Variants in CNTN4 observed in about 807,000 individuals in gnomAD.
CNTN4 encodes contactin 4.
In CNTN4, 77 loss-of-function variants were observed where a neutral mutation model predicts 122.5. That is an observed-to-expected ratio of 0.63 (90% CI 0.52 to 0.76). CNTN4 has a LOEUF of 0.76. Ranked by LOEUF, CNTN4 falls within the 30% of genes least tolerant of loss-of-function variation. CNTN4 has a pLI of 0.00. For missense variants in CNTN4, 1,256 were observed against 1,259.1 expected (o/e 1.00, Z 0.04); for synonymous variants, 512 against 447.0 (o/e 1.15, Z -1.83).
At chr3:2,390,219 T>A (rs1015745827) in intron 3 of CNTN4, among the ~76,000 whole-genome samples, 2 of 145,732 alleles carry the variant, frequency 1.4e-5, no homozygotes, top group Admixed American at 6.9e-5. Flanking sequence ...AAAAAGAGTG[T>A]GTGTGTGTGT....
chr3:2,867,710 G>C (rs1296723008), intron 8 of CNTN4, among the ~76,000 whole-genome samples: 1 of 151,804 alleles, frequency 6.6e-6, no homozygotes, highest in Admixed American at 6.6e-5. Context: ...TTTCCAGGAA[G>C]CCATCTCTGC....
At chr3:2,292,219 C>G (rs1433863337) in intron 2 of CNTN4, among the ~76,000 whole-genome samples, 1 of 152,154 alleles carries the variant, frequency 6.6e-6, no homozygotes, top group East Asian at 1.9e-4. Context: ...CTTCTGGATT[C>G]TTCTCTAATA....
intron 4 of CNTN4, among the ~76,000 whole-genome samples, chr3:2,612,141 A>ACACACAC (rs1441265588): frequency 7.0e-6 from 1 of 143,420 alleles, no homozygotes; most frequent in Non-Finnish European, 1.6e-5. Flanking sequence ...CACACACACA[A>ACACACAC]CAGACAGAGA....
chr3:2,522,463 G>C (rs1006407527), intron 3 of CNTN4, among the ~76,000 whole-genome samples: 3 of 152,016 alleles, frequency 2.0e-5, no homozygotes, highest in Non-Finnish European at 4.4e-5. Flanking sequence ...TGAGAAATCT[G>C]ATATTTTGAA....
chr3:2,158,116 G>A (rs73806351), intron 2 of CNTN4, among the ~76,000 whole-genome samples: 3,259 of 152,224 alleles, frequency 0.021, 105 homozygotes, highest in African/African-American at 0.074. Context: ...TGGGAAATGA[G>A]AATGCTTGAA....
At chr3:2,245,389 G>A (rs1333487538) in intron 2 of CNTN4, among the ~76,000 whole-genome samples, 5 of 151,984 alleles carry the variant, frequency 3.3e-5, no homozygotes, top group South Asian at 2.1e-4. Context: ...GCAATAAGAC[G>A]AATAATACAG....
At chr3:2,317,903 G>A (rs749247933) in intron 2 of CNTN4, among the ~76,000 whole-genome samples, 1 of 152,124 alleles carries the variant, frequency 6.6e-6, no homozygotes, top group Non-Finnish European at 1.5e-5. Context: ...TTGCATCAAC[G>A]ATATAGATGC....
chr3:2,551,901 G>A (rs1179941578), intron 3 of CNTN4, among the ~76,000 whole-genome samples: 3 of 152,046 alleles, frequency 2.0e-5, no homozygotes, highest in Non-Finnish European at 2.9e-5. Context: ...TGTCATCTTA[G>A]AGAAACAGTG....
intron 2 of CNTN4, among the ~76,000 whole-genome samples, chr3:2,296,698 C>G (rs1666372): frequency 0.31 from 47,259 of 150,188 alleles, 7,828 homozygotes; most frequent in East Asian, 0.57. Context: ...CAAAAGGGCA[C>G]AAGAAGAATA....
At chr3:2,727,815 C>T (rs1044730668) in intron 4 of CNTN4, among the ~76,000 whole-genome samples, 1 of 152,206 alleles carries the variant, frequency 6.6e-6, no homozygotes, top group African/African-American at 2.4e-5. Context: ...TGCCTTCAGA[C>T]ATACACCAGC....
In CNTN4 at chr3:2,900,535, C is replaced by T. The variant is rs1014041606; in HGVS notation, c.941-150C>T. On this transcript the variant is annotated intron_variant, in intron 10 of 24. Coordinates refer to ENST00000418658, the MANE Select transcript of CNTN4 (RefSeq NM_175607.3). ...TATTCAGAGTAGGGTATAGGCACCT[C>T]CCTGAATGTCTCCCCAGTCTTGTTA... 3 of 844,946 alleles carry T rather than the reference C, an allele frequency of 3.6e-6. No homozygotes were observed. In the African/African-American group the frequency reaches 5.1e-5, roughly 14 times the overall value. The allele number at this position is 844,946 out of a possible 1,614,324, so 52.3% of individuals were successfully genotyped here.
intron 4 of CNTN4, among the ~76,000 whole-genome samples, chr3:2,708,932 C>G (rs949305556): frequency 6.6e-6 from 1 of 152,166 alleles, no homozygotes; most frequent in African/African-American, 2.4e-5. Context: ...AGTGTATACC[C>G]AATCATGTAT....
chr3:2,307,996 T>G (rs2042781412), intron 2 of CNTN4, among the ~76,000 whole-genome samples: 2 of 152,156 alleles, frequency 1.3e-5, no homozygotes, highest in Admixed American at 1.3e-4. Flanking sequence ...TCAATAAACA[T>G]TTTGTGGAAT....
intron 2 of CNTN4, among the ~76,000 whole-genome samples, chr3:2,253,611 G>T (rs1383250205): frequency 6.6e-6 from 1 of 151,352 alleles, no homozygotes; most frequent in Non-Finnish European, 1.5e-5. Context: ...ATTGGAATCA[G>T]TTAGGTCATA....
rs552064061 is a variant in CNTN4, at chr3:2,440,302, G to A, written c.-89+101069G>A. The stretch of plus-strand genomic sequence containing the variant: ...TTTAGTTTCATACCGGCAAAGGTAC[G>A]AGCTGATGGATTAAGTCACACTGAC... On this transcript the variant is annotated intron_variant, in intron 3 of 24. Coordinates refer to ENST00000418658, the MANE Select transcript of CNTN4 (RefSeq NM_175607.3). 5.9e-5 allele frequency among the ~76,000 whole-genome samples: 9 copies of A among 152,280 alleles called. No individual in the cohort carries two copies. In the East Asian group the frequency reaches 1.2e-3, roughly 20 times the overall value.
At chr3:2,298,042 T>C (rs1370462389) in intron 2 of CNTN4, among the ~76,000 whole-genome samples, 2 of 152,210 alleles carry the variant, frequency 1.3e-5, no homozygotes, top group East Asian at 3.9e-4. Context: ...ATCTGTTATG[T>C]TAAGTGAAGA....
At chr3:2,202,495 A>G (rs1429855002) in intron 2 of CNTN4, among the ~76,000 whole-genome samples, 1 of 152,192 alleles carries the variant, frequency 6.6e-6, no homozygotes, top group African/African-American at 2.4e-5. Flanking sequence ...AAACCTGATC[A>G]GACTATTAGA....
At chr3:2,266,300 A>G (rs946831469) in intron 2 of CNTN4, among the ~76,000 whole-genome samples, 3 of 152,064 alleles carry the variant, frequency 2.0e-5, no homozygotes, top group African/African-American at 7.2e-5. Context: ...TTCATGCACA[A>G]GTGTTGTTTT....
intron 7 of CNTN4, among the ~76,000 whole-genome samples, chr3:2,840,486 G>C (rs185458080): frequency 3.0e-4 from 43 of 144,404 alleles, no homozygotes; most frequent in South Asian, 4.8e-4. Context: ...GGATCACGAG[G>C]TCAGGAGATC....
Sources: gnomAD v4.1 joint callset for allele counts (sites outside exome capture counted in the v4.1 genomes callset) on GRCh38, gnomAD v4.1.1 for gene constraint, MANE v1.5 for transcripts, NCBI Gene and HGNC (gene_info 2026-07-23, HGNC 2026-07-21) for gene names.